IGSF10: variants seen among roughly 807,000 people sequenced by gnomAD.
The protein encoded by IGSF10 is calvaria mechanical force protein 608.
IGSF10 carries 126 observed loss-of-function variants against 128.2 expected under a neutral mutation model. That is an observed-to-expected ratio of 0.98 (90% CI 0.85 to 1.14). IGSF10 has a LOEUF of 1.14. Ranked by LOEUF, IGSF10 falls within the 50% of genes most tolerant of loss-of-function variation. The probability of loss-of-function intolerance (pLI) is 0.00; values close to 1 mark genes in which losing one functional copy is unlikely to be tolerated. For missense variants in IGSF10, 3,295 were observed against 3,149.8 expected (o/e 1.05, Z -1.10); for synonymous variants, 1,185 against 1,146.2 (o/e 1.03, Z -0.68).
At chr3:151,442,340 T>C (rs561795246) in intron 7 of IGSF10, among the ~76,000 whole-genome samples, 10 of 151,968 alleles carry the variant, frequency 6.6e-5, no homozygotes, top group African/African-American at 2.4e-4. Flanking sequence ...CCCTTCTCTG[T>C]TTTGTTTACA....
chr3:151,572,942 G>A, the IGSF10 span, among the ~76,000 whole-genome samples: 1 of 151,988 alleles, frequency 6.6e-6, no homozygotes, highest in African/African-American at 2.4e-5. Flanking sequence ...TGTTCTCATT[G>A]GTTTCAAAAA....
chr3:151,563,074 C>T, the IGSF10 span, among the ~76,000 whole-genome samples: 1 of 151,620 alleles, frequency 6.6e-6, no homozygotes, highest in African/African-American at 2.4e-5. Flanking sequence ...GGGTTGGCCA[C>T]TCCCGGATTC....
At chr3:151,586,501 A>G in the IGSF10 span, among the ~76,000 whole-genome samples, 1 of 152,218 alleles carries the variant, frequency 6.6e-6, no homozygotes, top group African/African-American at 2.4e-5. Flanking sequence ...AAAACAGTAT[A>G]GTATTATAAC....
the IGSF10 span, among the ~76,000 whole-genome samples, chr3:151,584,051 C>A: frequency 6.6e-6 from 1 of 152,108 alleles, no homozygotes; most frequent in African/African-American, 2.4e-5. Flanking sequence ...GTGTCATATT[C>A]TCTCACTTTA....
rs1311164722 is a variant in IGSF10 at position 151,443,666 on chromosome 3, T to C, written c.5281A>G (p.Ser1761Gly). The change falls in exon 7 of 8, where the codon AGC becomes GGC. Residue 1761 changes from serine (S) to glycine (G), a missense_variant. Physicochemically the swap from Ser to Gly is moderately conservative, Grantham distance 56. Transcript: ENST00000282466. ...RTKEITVHSGSTVELKCRAEG... is the reference protein window; with the variant it reads ...RTKEITVHSGGTVELKCRAEG... ...GCTCTGCACTTCAGTTCCACAGTGC[T>C]TCCGGAATGAACTGTGATCTCTTTG... 1 of 1,614,182 alleles carries C rather than the reference T, an allele frequency of 6.2e-7. No homozygotes were observed. The highest frequency in any genetic ancestry group is 2.2e-5 in the East Asian group (1 of 44,886).
the IGSF10 span, among the ~76,000 whole-genome samples, chr3:151,528,800 G>GTTT: frequency 4.1e-5 from 6 of 146,264 alleles, no homozygotes; most frequent in African/African-American, 5.0e-5. Flanking sequence ...AGCTGCAGGA[G>GTTT]TTTTTTTTTT....
Position 151,443,337 on chromosome 3 carries a change from A to G in IGSF10, c.5610T>C (p.Pro1870=). 1 of 1,614,236 alleles carries G rather than the reference A, an allele frequency of 6.2e-7. No individual in the cohort carries two copies. Among genetic ancestry groups the G allele is most frequent in the Non-Finnish European group, 8.5e-7 (1 of 1,180,034 alleles). The change falls in exon 7 of 8, where the codon CCT becomes CCC. Residue 1870 remains proline, a synonymous_variant. Coordinates refer to ENST00000282466, the MANE Select transcript of IGSF10 (RefSeq NM_178822.5). ...AGAGGACCCAGTAAACGCTGGGCTGAGGAGTTCCTTTTGCAGTACAGGGCA... is the reference window on the plus strand; with the variant it reads ...AGAGGACCCAGTAAACGCTGGGCTGGGGAGTTCCTTTTGCAGTACAGGGCA... The part of the protein sequence containing the change: ...LKLPCTAKGT[P]QPSVYWVLSD...
At chr3:151,435,546 T>C (rs890343614), downstream of IGSF10, 2 of 152,130 alleles carry the variant, frequency 1.3e-5, no homozygotes, top group African/African-American at 4.8e-5. Flanking sequence ...GCTAACTTAT[T>C]AGTAATTCTC....
chr3:151,440,767 G>A (rs1416822856), intron 7 of IGSF10: 3 of 376,094 alleles, frequency 8.0e-6, no homozygotes, highest in African/African-American at 2.1e-5. Context: ...CATGGCTTGG[G>A]CATCAGGATT....
the IGSF10 span, among the ~76,000 whole-genome samples, chr3:151,585,003 C>A: frequency 6.6e-6 from 1 of 152,036 alleles, no homozygotes; most frequent in Non-Finnish European, 1.5e-5. Context: ...ATTATATGTC[C>A]TTTTACATTT....
At chr3:151,575,207 TGAG>T in the IGSF10 span, among the ~76,000 whole-genome samples, 1 of 148,002 alleles carries the variant, frequency 6.8e-6, no homozygotes, top group Non-Finnish European at 1.5e-5. Context: ...GGGACCCACT[TGAG>T]GAGGCAGTCT....
the IGSF10 span, among the ~76,000 whole-genome samples, chr3:151,525,645 T>C: frequency 2.0e-5 from 3 of 152,150 alleles, no homozygotes; most frequent in African/African-American, 7.2e-5. Context: ...CTTGTGACTG[T>C]AGAACAGAAA....
the IGSF10 span, among the ~76,000 whole-genome samples, chr3:151,512,883 C>T: frequency 3.3e-5 from 5 of 152,038 alleles, no homozygotes; most frequent in South Asian, 2.1e-4. Flanking sequence ...ATAAATTCCT[C>T]GACACATACA....
chr3:151,437,161 GT>G lies in IGSF10; in HGVS notation c.7399del (p.Thr2467LeufsTer7). ...GTCTACTACATAACCACTTGGCATA[GT>G]CCATTTGATATTTGGCTTAGGGATT... The part of the protein sequence containing the change: ...DGIPKPNIKW[T>X]MPSGYVVDRP... On this transcript the variant is annotated frameshift_variant, in exon 8 of 8. Transcript: ENST00000282466. LOFTEE classifies it low-confidence loss of function (END_TRUNC). 6.2e-7 allele frequency: 1 copy of G among 1,614,072 alleles called. No individual in the cohort carries two copies. Among genetic ancestry groups the G allele is most frequent in the Non-Finnish European group, 8.5e-7 (1 of 1,179,982 alleles).
At chr3:151,460,869 C>T (rs1205549100) in intron 1 of IGSF10, 77 bp downstream of exon 1, 12 of 941,882 alleles carry the variant, frequency 1.3e-5, no homozygotes, top group Non-Finnish European at 1.5e-5. Context: ...CCACGGTACT[C>T]GCTCCATTCC....
upstream of IGSF10, among the ~76,000 whole-genome samples, chr3:151,462,931 T>C (rs1722118804): frequency 6.6e-6 from 1 of 152,234 alleles, no homozygotes. Flanking sequence ...AGCCACAGTT[T>C]ATCTTTCTCC....
chr3:151,442,951 G>C, intron 7 of IGSF10, 33 bp downstream of exon 7: 1 of 1,569,022 alleles, frequency 6.4e-7, no homozygotes, highest in Non-Finnish European at 8.7e-7. Context: ...AATACATAAA[G>C]CAGATAATTC....
the IGSF10 span, among the ~76,000 whole-genome samples, chr3:151,563,724 C>CTTATGATATT: frequency 1.3e-5 from 2 of 152,006 alleles, no homozygotes; most frequent in African/African-American, 4.8e-5. Context: ...ATTAGCCTGC[C>CTTATGATATT]TTATGATATT....
At chr3:151,522,482 C>T in the IGSF10 span, among the ~76,000 whole-genome samples, 1 of 152,088 alleles carries the variant, frequency 6.6e-6, no homozygotes, top group Non-Finnish European at 1.5e-5. Context: ...CATCAGAAAG[C>T]TAATCCACTA....
Sources: gnomAD v4.1 joint callset for allele counts (sites outside exome capture counted in the v4.1 genomes callset) on GRCh38, gnomAD v4.1.1 for gene constraint, MANE v1.5 for transcripts, NCBI Gene and HGNC (gene_info 2026-07-23, HGNC 2026-07-21) for gene names.